Variants in GPM6B observed in about 807,000 individuals in gnomAD.
GPM6B encodes the protein neuronal membrane glycoprotein M6-b.
In GPM6B, 4 loss-of-function variants were observed where a neutral mutation model predicts 27.2. The observed-to-expected ratio is 0.15, with a 90% confidence interval of 0.07 to 0.34. GPM6B has a LOEUF of 0.34. GPM6B is among the 10% of genes least tolerant of loss of function. The pLI is 1.00. For missense variants in GPM6B, 183 were observed against 261.9 expected (o/e 0.70, Z 2.08); for synonymous variants, 124 against 103.1 (o/e 1.20, Z -1.23).
chrX:13,798,059 G>T (rs141633918), intron 2 of GPM6B, among the ~76,000 whole-genome samples: 2 of 110,530 alleles, frequency 1.8e-5, no homozygotes, highest in African/African-American at 6.6e-5. Flanking sequence ...CTGCTTTCAT[G>T]AGCACACACG....
chrX:13,810,331 T>TAA (rs2049105616), intron 1 of GPM6B, among the ~76,000 whole-genome samples: 1 of 112,040 alleles, frequency 8.9e-6, no homozygotes, highest in Admixed American at 9.4e-5. Context: ...CATAGACCCC[T>TAA]AAGCAAGAGG....
intron 1 of GPM6B, among the ~76,000 whole-genome samples, chrX:13,926,349 A>C (rs1280124711): frequency 9.2e-6 from 1 of 108,702 alleles, no homozygotes; most frequent in Non-Finnish European, 1.9e-5. Context: ...CGGAGCTTGC[A>C]GTGAGCCCAG....
intron 1 of GPM6B, among the ~76,000 whole-genome samples, chrX:13,810,482 C>T (rs1179520510): frequency 9.0e-6 from 1 of 111,613 alleles, no homozygotes; most frequent in Non-Finnish European, 1.9e-5. Flanking sequence ...CCCTGGGACC[C>T]TGTGGACCAG....
chrX:13,840,599 C>T (rs2049561005), intron 1 of GPM6B, among the ~76,000 whole-genome samples: 1 of 111,789 alleles, frequency 8.9e-6, no homozygotes, highest in Admixed American at 9.4e-5. Context: ...AATTCCTCCA[C>T]CCCCAGCGAA....
At chrX:13,774,402 A>T in intron 7 of GPM6B, 1 of 1,078,961 alleles carries the variant, frequency 9.3e-7, no homozygotes, top group Non-Finnish European at 1.2e-6. Flanking sequence ...TCATCTTATT[A>T]ATCTACCATG....
chrX:13,800,000 T>C (rs2048891318), intron 2 of GPM6B, among the ~76,000 whole-genome samples: 1 of 111,940 alleles, frequency 8.9e-6, no homozygotes, highest in African/African-American at 3.3e-5. Flanking sequence ...AGCTTACTTC[T>C]TAGGACTAGA....
At chrX:13,926,425 C>A (rs867387041) in intron 1 of GPM6B, among the ~76,000 whole-genome samples, 62 of 17,706 alleles carry the variant, frequency 3.5e-3, no homozygotes, top group Non-Finnish European at 5.3e-3. Flanking sequence ...AACAAACAAA[C>A]AAAAAAAAAA....
intron 1 of GPM6B, among the ~76,000 whole-genome samples, chrX:13,822,974 TTCCCAAAG>T (rs1269211485): frequency 3.6e-5 from 4 of 112,108 alleles, no homozygotes; most frequent in Non-Finnish European, 7.5e-5. Flanking sequence ...TAATCAGAAT[TTCCCAAAG>T]CTTTATCAAT....
intron 1 of GPM6B, among the ~76,000 whole-genome samples, chrX:13,859,325 A>G (rs111816782): frequency 0.013 from 1,420 of 112,079 alleles, 20 homozygotes; most frequent in African/African-American, 0.043. Context: ...AAATGAAATC[A>G]CACAGTATGT....
At chrX:13,851,436 C>T (rs1451688366) in intron 1 of GPM6B, among the ~76,000 whole-genome samples, 1 of 111,193 alleles carries the variant, frequency 9.0e-6, no homozygotes. Flanking sequence ...AAACACCTTA[C>T]ACGCTGCCTG....
chrX:13,781,474 A>G (rs759573140), intron 4 of GPM6B, among the ~76,000 whole-genome samples: 1 of 112,053 alleles, frequency 8.9e-6, no homozygotes, highest in Admixed American at 9.4e-5. Flanking sequence ...CAAAGGACAG[A>G]GCTCAAAGTC....
intron 1 of GPM6B, among the ~76,000 whole-genome samples, chrX:13,909,120 C>CTTT (rs368081524): frequency 0.024 from 1,665 of 69,531 alleles, 17 homozygotes; most frequent in East Asian, 0.072. Context: ...TGTTCATATC[C>CTTT]TTTTTTTTTT....
chrX:13,910,154 G>A (rs146176070), intron 1 of GPM6B, among the ~76,000 whole-genome samples: 1,856 of 112,115 alleles, frequency 0.017, 45 homozygotes, highest in African/African-American at 0.056. Flanking sequence ...CCCTTAACCG[G>A]CAATGTTTGG....
intron 1 of GPM6B, among the ~76,000 whole-genome samples, chrX:13,918,011 T>C (rs1227178200): frequency 8.8e-6 from 1 of 113,047 alleles, no homozygotes; most frequent in Non-Finnish European, 1.9e-5. Context: ...AGCCAGCTAC[T>C]ATGTAAAAGA....
intron 2 of GPM6B, among the ~76,000 whole-genome samples, chrX:13,787,127 G>A (rs1466607621): frequency 1.0e-5 from 1 of 99,229 alleles, no homozygotes; most frequent in African/African-American, 3.8e-5. Context: ...AAACACCATA[G>A]ATGAATGTTT....
rs1337747873 is a variant in GPM6B, at chrX:13,816,747, C to T, written c.61+97G>A. 3.9e-6 allele frequency: 4 copies of T among 1,022,638 alleles called. No homozygotes were observed. In the South Asian group the frequency reaches 7.6e-5, roughly 19 times the overall value. 84.3% of individuals were successfully genotyped at this position (1,022,638 alleles called of 1,213,427 possible). A position where few individuals can be genotyped will look rare whatever the true frequency, so the allele number is the denominator to read the frequency against. ...CAAGACCATGCCATAGGGATTGTCT[C>T]AGAGCCATTTTAAAAGAGAGACAAA... On this transcript the variant is annotated intron_variant, in intron 1 of 7. Coordinates refer to ENST00000316715, the MANE Select transcript of GPM6B (RefSeq NM_001001995.3).
At chrX:13,829,309 CTTCA>C (rs770391119) in intron 1 of GPM6B, among the ~76,000 whole-genome samples, 2 of 111,732 alleles carry the variant, frequency 1.8e-5, no homozygotes, top group Non-Finnish European at 3.8e-5. Context: ...TGAGTTTCAG[CTTCA>C]TTGTCTACCA....
chrX:13,777,449 T>C (rs747494730), intron 5 of GPM6B, 24 bp from the exon 6 acceptor site: 9 of 1,067,239 alleles, frequency 8.4e-6, no homozygotes, highest in Non-Finnish European at 1.0e-5. Flanking sequence ...CCCAATAGGA[T>C]GTTAGTACAA....
At chrX:13,851,960 C>T (rs374544940) in intron 1 of GPM6B, among the ~76,000 whole-genome samples, 5 of 108,166 alleles carry the variant, frequency 4.6e-5, no homozygotes, top group African/African-American at 1.7e-4. Context: ...TAAAAAATGG[C>T]ATCTTTCAAA....
Sources: allele counts gnomAD v4.1 joint callset (sites outside exome capture counted in the v4.1 genomes callset), GRCh38; gene constraint gnomAD v4.1.1; transcripts MANE v1.5; gene names NCBI Gene and HGNC (gene_info 2026-07-23, HGNC 2026-07-21).